Variants in TMEM108 observed in about 807,000 individuals in gnomAD.
TMEM108 encodes the protein cancer/testis antigen 124.
In TMEM108, 12 loss-of-function variants were observed where a neutral mutation model predicts 35.1. The observed-to-expected ratio is 0.34, with a 90% CI of 0.22 to 0.55. The LOEUF (loss-of-function observed/expected upper bound fraction) is 0.55, where lower values mean the gene tolerates loss of function less well. TMEM108 is among the 20% of genes least tolerant of loss of function. The pLI is 0.89. For missense variants in TMEM108, 680 were observed against 753.3 expected, an observed-to-expected ratio of 0.90 and a Z score of 1.14; for synonymous variants, 287 against 308.6, an observed-to-expected ratio of 0.93 and a Z score of 0.73.
intron 3 of TMEM108, among the ~76,000 whole-genome samples, chr3:133,356,766 T>C (rs1266574785): frequency 2.6e-5 from 4 of 152,174 alleles, no homozygotes; most frequent in African/African-American, 9.7e-5. Flanking sequence ...TGGCAAGTCA[T>C]ATGTAGAAGA....
At chr3:133,349,662 G>A (rs2071931607) in intron 3 of TMEM108, among the ~76,000 whole-genome samples, 1 of 151,536 alleles carries the variant, frequency 6.6e-6, no homozygotes, top group Non-Finnish European at 1.5e-5. Context: ...TAAACAAATG[G>A]CCAACAGATA....
At chr3:133,242,232 A>G (rs1208456322) in intron 3 of TMEM108, among the ~76,000 whole-genome samples, 1 of 152,198 alleles carries the variant, frequency 6.6e-6, no homozygotes, top group African/African-American at 2.4e-5. Flanking sequence ...TAAGATGTGG[A>G]TATGTCCTTT....
At chr3:133,069,027 A>G (rs1943645267) in intron 2 of TMEM108, among the ~76,000 whole-genome samples, 1 of 152,160 alleles carries the variant, frequency 6.6e-6, no homozygotes, top group African/African-American at 2.4e-5. Context: ...GATAGAACAA[A>G]GGAAGGCTGG....
rs368930886 is a variant in TMEM108, at chr3:133,167,557, C to G, written c.-46-61709C>G. Among the ~76,000 whole-genome samples the G allele has an allele frequency of 8.9e-3, 1,354 of 152,340 alleles. 25 individuals carry two copies. The highest frequency in any genetic ancestry group is 0.03 in the African/African-American group (1,263 of 41,572). The stretch of plus-strand genomic sequence containing the variant: ...GCCCCGCGGGGAGGCGGCTGAAGCC[C>G]AGCGAGAATTCGAGCATGGCACGGG... On this transcript the variant is annotated intron_variant, in intron 2 of 5. Transcript: ENST00000321871.
chr3:133,195,899 A>G (rs1400463179), intron 2 of TMEM108, among the ~76,000 whole-genome samples: 4 of 152,160 alleles, frequency 2.6e-5, no homozygotes, highest in South Asian at 2.1e-4. Flanking sequence ...CTCTTTACCA[A>G]TGTTTCTTTA....
At chr3:133,158,754 C>T (rs1944918990) in intron 2 of TMEM108, among the ~76,000 whole-genome samples, 1 of 152,134 alleles carries the variant, frequency 6.6e-6, no homozygotes, top group Non-Finnish European at 1.5e-5. Context: ...CTCAGCATCT[C>T]AAGGATGAGG....
At chr3:133,263,231 G>A (rs531808134) in intron 3 of TMEM108, among the ~76,000 whole-genome samples, 2 of 152,312 alleles carry the variant, frequency 1.3e-5, no homozygotes, top group African/African-American at 4.8e-5. Flanking sequence ...GAAGGAACTG[G>A]AGTGGCAAGT....
chr3:133,300,660 G>A (rs997375041), intron 3 of TMEM108, among the ~76,000 whole-genome samples: 6 of 152,050 alleles, frequency 3.9e-5, no homozygotes, highest in African/African-American at 1.2e-4. Flanking sequence ...TGGTAGACAG[G>A]TTTAGTTTGA....
chr3:133,230,515 G>GAATAGGCTTTAAAGATTAAACA (rs1946137136), intron 3 of TMEM108, among the ~76,000 whole-genome samples: 1 of 152,172 alleles, frequency 6.6e-6, no homozygotes, highest in African/African-American at 2.4e-5. Context: ...GTTTGTTAAA[G>GAATAGGCTTTAAAGATTAAACA]AATAGGCTTT....
intron 2 of TMEM108, among the ~76,000 whole-genome samples, chr3:133,050,285 G>C (rs1249252148): frequency 6.6e-6 from 1 of 152,088 alleles, no homozygotes; most frequent in African/African-American, 2.4e-5. Context: ...TGGATGCATT[G>C]CTTGTTCTCT....
At chr3:133,347,614 C>T (rs1280402837) in intron 3 of TMEM108, among the ~76,000 whole-genome samples, 1 of 152,020 alleles carries the variant, frequency 6.6e-6, no homozygotes, top group Admixed American at 6.6e-5. Context: ...AATCTGTATA[C>T]TTGTAGTTCC....
At position 133,388,347 on chromosome 3, in the gene TMEM108, A is replaced by G. The variant is rs189346288; in HGVS notation, c.1451-1833A>G. Reference sequence around the variant, plus strand: ...ACTCACATACCTGTGACCTGTGGCAAGGCGGCCAGCACTTTAGGCCACAGT... The same window carrying G: ...ACTCACATACCTGTGACCTGTGGCAGGGCGGCCAGCACTTTAGGCCACAGT... On this transcript the variant is annotated intron_variant, in intron 4 of 5. Coordinates refer to ENST00000321871, the MANE Select transcript of TMEM108 (RefSeq NM_023943.4). The G allele has an allele frequency of 1.2e-3, 1,159 of 981,710 alleles. 2 individuals carry two copies. The highest frequency in any genetic ancestry group is 1.3e-3 in the Non-Finnish European group (1,092 of 828,360). The allele number at this position is 981,710 out of a possible 1,614,324, so 60.8% of individuals were successfully genotyped here.
At chr3:133,313,251 G>A (rs1288130106) in intron 3 of TMEM108, among the ~76,000 whole-genome samples, 1 of 150,646 alleles carries the variant, frequency 6.6e-6, no homozygotes, top group African/African-American at 2.4e-5. Flanking sequence ...AGGCTGGAGT[G>A]CAGTGGTGCG....
intron 2 of TMEM108, among the ~76,000 whole-genome samples, chr3:133,169,451 C>T (rs951341533): frequency 3.3e-5 from 5 of 152,128 alleles, no homozygotes; most frequent in Non-Finnish European, 5.9e-5. Context: ...TTATTTTATT[C>T]CTAGTGTCTG....
chr3:133,208,491 G>A (rs1676081730), intron 2 of TMEM108, among the ~76,000 whole-genome samples: 2 of 152,100 alleles, frequency 1.3e-5, no homozygotes, highest in Admixed American at 1.3e-4. Flanking sequence ...AGCTGGCTGG[G>A]GCTTCCAGCT....
In TMEM108 at chr3:133,389,315, G is replaced by A. The variant is rs186507929; in HGVS notation, c.1451-865G>A. On this transcript the variant is annotated intron_variant, in intron 4 of 5. Transcript: ENST00000321871. Reference sequence around the variant, plus strand: ...ATGTCACACTGTGCTCAGTCAAGCTGTGTGGAGCCCACCTCAGGCCATCTG... The same window carrying A: ...ATGTCACACTGTGCTCAGTCAAGCTATGTGGAGCCCACCTCAGGCCATCTG... The A allele has an allele frequency of 1.4e-5, 14 of 985,506 alleles. No homozygotes were observed. The East Asian group carries it at 1.4e-3, about 96-fold the overall frequency. The allele number at this position is 985,506 out of a possible 1,614,324, so 61.0% of individuals were successfully genotyped here.
rs1339809413 is a variant in TMEM108, at chr3:133,380,598, G to A, written c.887G>A (p.Gly296Glu). 1 of 1,613,202 alleles carries A rather than the reference G, an allele frequency of 6.2e-7. No homozygotes were observed. Among genetic ancestry groups the A allele is most frequent in the South Asian group, 1.1e-5 (1 of 90,974 alleles). ...GGGSTFTSQGGTPDATAASGA... is the reference protein window; with the variant it reads ...GGGSTFTSQGETPDATAASGA... ...GGTTCTACCTTCACCAGCCAAGGAGGGACACCAGATGCCACAGCAGCCTCA... is the reference window on the plus strand; with the variant it reads ...GGTTCTACCTTCACCAGCCAAGGAGAGACACCAGATGCCACAGCAGCCTCA... The change falls in exon 4 of 6, where the codon GGG becomes GAG. Residue 296 changes from glycine (G) to glutamate (E), a missense_variant. Around this residue, in one of 3 missense-constraint regions of TMEM108, gnomAD observed 526 missense variants for 532.1 expected, o/e 0.99. Coordinates refer to ENST00000321871, the MANE Select transcript of TMEM108 (RefSeq NM_023943.4). The surrounding 1 kb of genome is among the most constrained non-coding windows in gnomAD (Gnocchi z 5.3).
At chr3:133,129,810 G>T (rs893694442) in intron 2 of TMEM108, among the ~76,000 whole-genome samples, 60 of 151,864 alleles carry the variant, frequency 4.0e-4, no homozygotes, top group African/African-American at 1.4e-3. Flanking sequence ...CTTGTCTAGG[G>T]CTACACAATA....
chr3:133,070,608 T>C (rs540725047), intron 2 of TMEM108, among the ~76,000 whole-genome samples: 1 of 152,302 alleles, frequency 6.6e-6, no homozygotes, highest in African/African-American at 2.4e-5. Context: ...TAAATCTCAT[T>C]GCAACATTTC....
Sources: allele counts gnomAD v4.1 joint callset (sites outside exome capture counted in the v4.1 genomes callset), GRCh38; gene constraint gnomAD v4.1.1; regional missense constraint gnomAD v4.1.1; non-coding constraint Gnocchi (gnomAD v3.1); transcripts MANE v1.5; gene names NCBI Gene and HGNC (gene_info 2026-07-23, HGNC 2026-07-21).